The following CFAP54 variants were observed in gnomAD, a reference collection of about 807,000 sequenced individuals.
CFAP54 encodes the protein cilia- and flagella-associated protein 54.
CFAP54 carries 290 observed loss-of-function variants against 370.4 expected under a neutral mutation model. That is an observed-to-expected ratio of 0.78 (90% CI 0.71 to 0.86). The LOEUF (loss-of-function observed/expected upper bound fraction) is 0.86, where lower values mean the gene tolerates loss of function less well. CFAP54 is among the 40% of genes least tolerant of loss of function. The pLI, the probability that CFAP54 is intolerant of heterozygous loss-of-function variation, is 0.00. For missense variants in CFAP54, 3,399 were observed against 3,528.7 expected (o/e 0.96, Z 0.93); for synonymous variants, 1,206 against 1,236.5 (o/e 0.98, Z 0.52).
At chr12:96,594,577 G>A (rs1025088203) in intron 25 of CFAP54, 131 bp downstream of exon 25, 9 of 579,868 alleles carry the variant, frequency 1.6e-5, no homozygotes, top group Non-Finnish European at 2.2e-5. Context: ...TGAAATTTTA[G>A]GAGTTAACTG....
At chr12:96,585,279 G>A (rs1400035720) in intron 22 of CFAP54, among the ~76,000 whole-genome samples, 1 of 152,092 alleles carries the variant, frequency 6.6e-6, no homozygotes, top group Non-Finnish European at 1.5e-5. Context: ...TCCTGCCTCA[G>A]CCTCCTGTGT....
At chr12:96,601,050 G>T (rs184988657) in intron 26 of CFAP54, among the ~76,000 whole-genome samples, 184 of 152,264 alleles carry the variant, frequency 1.2e-3, no homozygotes, top group African/African-American at 4.2e-3. Context: ...TTTTCAAAGG[G>T]AATGCTTCCG....
intron 43 of CFAP54, among the ~76,000 whole-genome samples, chr12:96,689,408 G>A (rs1375034735): frequency 1.3e-5 from 2 of 152,094 alleles, no homozygotes; most frequent in South Asian, 4.1e-4. Flanking sequence ...TGATCCACCC[G>A]TCTTGGCCTC....
At chr12:96,837,922 C>A (rs1959191591) in intron 66 of CFAP54, among the ~76,000 whole-genome samples, 1 of 152,190 alleles carries the variant, frequency 6.6e-6, no homozygotes, top group Non-Finnish European at 1.5e-5. Flanking sequence ...TTAAGCAGCA[C>A]TCCATGGTTC....
intron 26 of CFAP54, among the ~76,000 whole-genome samples, chr12:96,610,607 G>A (rs1330952006): frequency 2.0e-5 from 3 of 152,218 alleles, no homozygotes; most frequent in African/African-American, 7.2e-5. Flanking sequence ...TACCCAGGAA[G>A]CACAAGGGGT....
chr12:96,633,988 G>T (rs1338067340), intron 32 of CFAP54, among the ~76,000 whole-genome samples: 1 of 144,072 alleles, frequency 6.9e-6, no homozygotes, highest in Non-Finnish European at 1.5e-5. Context: ...AAATAGGTGT[G>T]TAGTGATATC....
chr12:96,704,413 C>T (rs1337006323), intron 46 of CFAP54, among the ~76,000 whole-genome samples: 101 of 98,076 alleles, frequency 1.0e-3, no homozygotes, highest in Admixed American at 1.6e-3. Flanking sequence ...GGCGACAGAG[C>T]GAGACTCGGT....
chr12:96,576,535 A>G (rs2136421547), intron 19 of CFAP54, 50 bp from the exon 20 acceptor site: 1 of 1,301,482 alleles, frequency 7.7e-7, no homozygotes, highest in African/African-American at 1.5e-5. Flanking sequence ...AAACGTAAAT[A>G]GAGTTCAAGC....
chr12:96,495,283 TCC>T (rs1954938449), intron 1 of CFAP54, among the ~76,000 whole-genome samples: 1 of 147,430 alleles, frequency 6.8e-6, no homozygotes, highest in Admixed American at 6.9e-5. Flanking sequence ...CTTCCTTCCT[TCC>T]TTCCTTCTTT....
At chr12:96,716,192 A>G (rs10860071) in intron 48 of CFAP54, among the ~76,000 whole-genome samples, 10,997 of 152,256 alleles carry the variant, frequency 0.072, 804 homozygotes, top group East Asian at 0.44. Context: ...TAGATTTTCT[A>G]TCGTTTCCTC....
At chr12:96,616,843 A>G (rs1555262906) in intron 26 of CFAP54, among the ~76,000 whole-genome samples, 1 of 152,234 alleles carries the variant, frequency 6.6e-6, no homozygotes, top group Non-Finnish European at 1.5e-5. Flanking sequence ...TTTCACACCC[A>G]GGAATGACAT....
At chr12:96,866,567 C>G (rs569194818) in intron 67 of CFAP54, among the ~76,000 whole-genome samples, 8 of 152,066 alleles carry the variant, frequency 5.3e-5, no homozygotes, top group Non-Finnish European at 1.2e-4. Context: ...CTGAACCATC[C>G]CTTTAAATTG....
intron 1 of CFAP54, among the ~76,000 whole-genome samples, chr12:96,499,947 AAAAAC>A (rs147160957): frequency 0.1 from 15,112 of 148,690 alleles, 1,234 homozygotes; most frequent in East Asian, 0.45. Context: ...ACTCCATCTC[AAAAAC>A]AAAACAAAAC....
chr12:96,762,836 C>A (rs1958354650), intron 58 of CFAP54, among the ~76,000 whole-genome samples: 1 of 151,684 alleles, frequency 6.6e-6, no homozygotes, highest in African/African-American at 2.4e-5. Flanking sequence ...ATAGGTAGAT[C>A]TTTCCAGGTG....
rs1592837622 is a variant in CFAP54 at position 96,535,558 on chromosome 12, T to C, written c.1749T>C (p.His583=). The change falls in exon 12 of 68, where the codon CAT becomes CAC. Residue 583 remains histidine (H), a synonymous_variant. Coordinates refer to ENST00000524981, the MANE Select transcript of CFAP54 (RefSeq NM_001306084.2). ...GTGGATATTCAGAGGATATTTTCCA[T>C]TTGGCAGCAACCTTGTATGTCTGTG... is the stretch of plus-strand genomic sequence containing the variant. ...KTCGYSEDIF[H]LAATLYVCVC... is the part of the protein sequence containing the mutation. 1.3e-6 allele frequency: 2 copies of C among 1,536,348 alleles called. No individual in the cohort carries two copies. Among genetic ancestry groups the C allele is most frequent in the South Asian group, 2.4e-5 (2 of 84,038 alleles).
chr12:96,863,504 C>T (rs954724706), intron 67 of CFAP54, among the ~76,000 whole-genome samples: 1 of 152,192 alleles, frequency 6.6e-6, no homozygotes, highest in African/African-American at 2.4e-5. Flanking sequence ...TAAATCCTCC[C>T]GGAAGAATCT....
At chr12:96,710,350 A>G (rs1426832241) in intron 48 of CFAP54, among the ~76,000 whole-genome samples, 1 of 152,194 alleles carries the variant, frequency 6.6e-6, no homozygotes, top group Non-Finnish European at 1.5e-5. Flanking sequence ...AAGAACCTTT[A>G]CTGTGTTTGC....
chr12:96,637,422 G>A (rs115482494), intron 32 of CFAP54, among the ~76,000 whole-genome samples: 2,824 of 151,984 alleles, frequency 0.019, 97 homozygotes, highest in African/African-American at 0.065. Context: ...TCTTTCTTTT[G>A]GCGAATTTAG....
At position 96,801,943 on chromosome 12, in the gene CFAP54, G is replaced by A. The variant is rs147708150; in HGVS notation, c.8850+9444G>A. Among the ~76,000 whole-genome samples, 73 of 152,200 alleles carry A rather than the reference G, an allele frequency of 4.8e-4. 1 individual carries two copies. The highest frequency in any genetic ancestry group is 1.7e-3 in the African/African-American group (69 of 41,520). On this transcript the variant is annotated intron_variant, in intron 63 of 67. Transcript: ENST00000524981. ...ATGCATATCTAGGATAATACTCACTGCCCTCCAATGGGCTGCTGTGAAACT... is the reference window on the plus strand; with the variant it reads ...ATGCATATCTAGGATAATACTCACTACCCTCCAATGGGCTGCTGTGAAACT...
Sources: gnomAD v4.1 joint callset for allele counts (sites outside exome capture counted in the v4.1 genomes callset) on GRCh38, gnomAD v4.1.1 for gene constraint, MANE v1.5 for transcripts, NCBI Gene and HGNC (gene_info 2026-07-23, HGNC 2026-07-21) for gene names.